Variants in CNTN4 observed in about 807,000 individuals in gnomAD.
The protein encoded by CNTN4 is contactin-4.
Under a neutral mutation model 122.5 loss-of-function variants are expected in CNTN4, and 77 were observed. The ratio of observed to expected loss-of-function variants is 0.63; its 90% CI spans 0.52 to 0.76. The LOEUF (loss-of-function observed/expected upper bound fraction) is 0.76, where lower values mean the gene tolerates loss of function less well. CNTN4 is among the 30% of genes least tolerant of loss of function. The pLI is 0.00. For synonymous variants in CNTN4, 512 were observed against 447.0 expected (o/e 1.15, Z -1.83); for missense variants, 1,256 against 1,259.1 (o/e 1.00, Z 0.04).
intron 3 of CNTN4, among the ~76,000 whole-genome samples, chr3:2,433,559 T>C (rs982585626): frequency 6.6e-6 from 1 of 152,166 alleles, no homozygotes; most frequent in Non-Finnish European, 1.5e-5. Context: ...ACAAATATTT[T>C]CCCCCAATCT....
intron 3 of CNTN4, among the ~76,000 whole-genome samples, chr3:2,345,123 A>G (rs2044352427): frequency 6.6e-6 from 1 of 152,212 alleles, no homozygotes; most frequent in South Asian, 2.1e-4. Context: ...TGTTAGAACT[A>G]AGAGAACACA....
chr3:2,230,927 G>C (rs1234645817), intron 2 of CNTN4, among the ~76,000 whole-genome samples: 2 of 152,100 alleles, frequency 1.3e-5, no homozygotes, highest in South Asian at 2.1e-4. Flanking sequence ...GGTTGAGGCT[G>C]CTATGAGCCA....
rs185280586 is a variant in CNTN4 at position 3,040,882 on chromosome 3, G to A, written c.2398+611G>A. Among the ~76,000 whole-genome samples, 631 of 151,096 alleles carry A rather than the reference G, an allele frequency of 4.2e-3. 5 individuals carry two copies. The highest frequency in any genetic ancestry group is 0.014 in the African/African-American group (578 of 41,086). The stretch of plus-strand genomic sequence containing the variant: ...GCGGAGGTTGCGGTGAGCCGAGATC[G>A]CACCACTGCACTCCAGCCTGGGCAA... On this transcript the variant is annotated intron_variant, in intron 20 of 24. Transcript: ENST00000418658.
intron 4 of CNTN4, among the ~76,000 whole-genome samples, chr3:2,635,348 G>C (rs1046909918): frequency 2.0e-5 from 3 of 152,066 alleles, no homozygotes; most frequent in African/African-American, 4.8e-5. Flanking sequence ...TCATTTTTCT[G>C]GTTCTCCCAC....
At chr3:2,530,450 A>G (rs1160077382) in intron 3 of CNTN4, among the ~76,000 whole-genome samples, 1 of 151,742 alleles carries the variant, frequency 6.6e-6, no homozygotes, top group Non-Finnish European at 1.5e-5. Context: ...CTGGGATTAC[A>G]GATGCGCGCC....
At chr3:2,203,299 C>T (rs1042084286) in intron 2 of CNTN4, among the ~76,000 whole-genome samples, 1 of 152,034 alleles carries the variant, frequency 6.6e-6, no homozygotes, top group African/African-American at 2.4e-5. Flanking sequence ...GAATCACTAC[C>T]TACCATTTCA....
intron 6 of CNTN4, among the ~76,000 whole-genome samples, chr3:2,796,527 T>G (rs2092187999): frequency 6.6e-6 from 1 of 152,158 alleles, no homozygotes; most frequent in Non-Finnish European, 1.5e-5. Flanking sequence ...AATCTAAAAA[T>G]AAAACCCGTA....
At chr3:2,587,605 G>A (rs961683635) in intron 4 of CNTN4, among the ~76,000 whole-genome samples, 3 of 152,112 alleles carry the variant, frequency 2.0e-5, no homozygotes, top group African/African-American at 4.8e-5. Context: ...CAGACTTGAA[G>A]GTGATTCTCT....
chr3:2,858,415 T>C (rs1198464976), intron 7 of CNTN4, among the ~76,000 whole-genome samples: 1 of 152,196 alleles, frequency 6.6e-6, no homozygotes, highest in Non-Finnish European at 1.5e-5. Context: ...TTGAGGACTA[T>C]GTTTGTTTCA....
Position 3,031,070 on chromosome 3 carries a change from G to A in CNTN4, c.1783+95G>A, listed in dbSNP as rs182402229. 1.5e-4 allele frequency: 235 copies of A among 1,531,908 alleles called. 1 individual carries two copies. The highest frequency in any genetic ancestry group is 6.0e-4 in the Admixed American group (36 of 59,788). The allele number at this position is 1,531,908 out of a possible 1,614,324, so 94.9% of individuals were successfully genotyped here. ...GAAACCTCAGTGGTTTAGAATTATG[G>A]GAAAAAGTCAGGCAGAAGCTGAACA... On this transcript the variant is annotated intron_variant, in intron 16 of 24. Transcript: ENST00000418658.
intron 13 of CNTN4, among the ~76,000 whole-genome samples, chr3:2,929,942 C>A (rs1453289894): frequency 1.3e-5 from 2 of 152,192 alleles, no homozygotes; most frequent in Non-Finnish European, 2.9e-5. Flanking sequence ...GCCCATCTTC[C>A]ATGCCAGGGC....
chr3:2,960,996 C>G (rs1398937164), intron 13 of CNTN4, among the ~76,000 whole-genome samples: 1 of 151,194 alleles, frequency 6.6e-6, no homozygotes, highest in Admixed American at 6.6e-5. Flanking sequence ...TTTGGGAGGC[C>G]GAGGCGGGTG....
intron 3 of CNTN4, among the ~76,000 whole-genome samples, chr3:2,511,874 A>C (rs1205068575): frequency 6.6e-6 from 1 of 152,194 alleles, no homozygotes; most frequent in Non-Finnish European, 1.5e-5. Flanking sequence ...TGATTCATAC[A>C]AGGAAATAGG....
In CNTN4 at chr3:2,756,708, G is replaced by A. The variant is rs1576674640; in HGVS notation, c.358+11011G>A. On this transcript the variant is annotated intron_variant, in intron 6 of 24. Coordinates refer to ENST00000418658, the MANE Select transcript of CNTN4 (RefSeq NM_175607.3). ...ATAAGAGAGTGAGGAGAAAACACAG[G>A]AGAGAAAGAGACTATGTTACCATGG... Among the ~76,000 whole-genome samples, 4 of 152,230 alleles carry A rather than the reference G, an allele frequency of 2.6e-5. No individual in the cohort carries two copies. The East Asian group carries it at 7.7e-4, about 29-fold the overall frequency.
intron 3 of CNTN4, among the ~76,000 whole-genome samples, chr3:2,424,626 T>C (rs890952345): frequency 6.6e-6 from 1 of 152,210 alleles, no homozygotes; most frequent in Non-Finnish European, 1.5e-5. Flanking sequence ...TTCTAGATCC[T>C]TGAGGAATGG....
At chr3:2,450,367 A>AAAATAAATAAATAAATAAAT (rs56349378) in intron 3 of CNTN4, among the ~76,000 whole-genome samples, 16 of 148,524 alleles carry the variant, frequency 1.1e-4, no homozygotes, top group Admixed American at 3.4e-4. Context: ...ACTCTGTCTC[A>AAAATAAATAAATAAATAAAT]AAATAAATAA....
chr3:2,991,946 C>T (rs531776503), intron 14 of CNTN4, among the ~76,000 whole-genome samples: 6 of 152,162 alleles, frequency 3.9e-5, no homozygotes, highest in Admixed American at 6.5e-5. Flanking sequence ...ATTAAAACAC[C>T]GTGAAGGTCG....
intron 3 of CNTN4, among the ~76,000 whole-genome samples, chr3:2,426,861 A>C (rs889011896): frequency 6.6e-6 from 1 of 152,006 alleles, no homozygotes; most frequent in Non-Finnish European, 1.5e-5. Flanking sequence ...TTTGAATAGA[A>C]GTGTTTGTAG....
chr3:2,981,773 G>T (rs1266703458), intron 13 of CNTN4, among the ~76,000 whole-genome samples: 1 of 152,128 alleles, frequency 6.6e-6, no homozygotes, highest in Non-Finnish European at 1.5e-5. Flanking sequence ...GGCCGAGTGT[G>T]GTGGCTCACT....
Sources: allele counts gnomAD v4.1 joint callset (sites outside exome capture counted in the v4.1 genomes callset), GRCh38; gene constraint gnomAD v4.1.1; transcripts MANE v1.5; gene names NCBI Gene and HGNC (gene_info 2026-07-23, HGNC 2026-07-21).